Variants in FANCC observed in about 807,000 individuals in gnomAD.
The protein encoded by FANCC is FA complementation group C.
In FANCC, 55 loss-of-function variants were observed where a neutral mutation model predicts 71.3. The observed-to-expected ratio is 0.77, with a 90% CI of 0.62 to 0.97. FANCC has a LOEUF of 0.97. Among genes scored for constraint, FANCC ranks in the 50% least tolerant of loss-of-function variants. FANCC has a pLI of 0.00. For missense variants in FANCC, 678 were observed against 670.9 expected (o/e 1.01, Z -0.12); for synonymous variants, 275 against 244.9 (o/e 1.12, Z -1.15).
At chr9:95,286,891 A>G (rs1443172467) in intron 1 of FANCC, among the ~76,000 whole-genome samples, 1 of 152,168 alleles carries the variant, frequency 6.6e-6, no homozygotes, top group Non-Finnish European at 1.5e-5. Flanking sequence ...TAAACACTAA[A>G]TAATTTGCTC....
intron 10 of FANCC, among the ~76,000 whole-genome samples, chr9:95,122,675 T>TA (rs2072979914): frequency 6.6e-6 from 1 of 152,064 alleles, no homozygotes; most frequent in Non-Finnish European, 1.5e-5. Context: ...ACGGCCAACA[T>TA]AGAGGCTGAG....
chr9:95,185,249 T>C (rs764490257), intron 4 of FANCC, among the ~76,000 whole-genome samples: 5 of 152,238 alleles, frequency 3.3e-5, no homozygotes, highest in Non-Finnish European at 5.9e-5. Flanking sequence ...ACTCTTCATA[T>C]TAGAATAATC....
At chr9:95,216,660 A>T (rs1490114131) in intron 4 of FANCC, among the ~76,000 whole-genome samples, 2 of 152,242 alleles carry the variant, frequency 1.3e-5, no homozygotes, top group Admixed American at 1.3e-4. Flanking sequence ...GTTTGTTTGC[A>T]GCCTATTATA....
At chr9:95,142,881 C>T (rs1392850556) in intron 7 of FANCC, among the ~76,000 whole-genome samples, 2 of 152,170 alleles carry the variant, frequency 1.3e-5, no homozygotes, top group Non-Finnish European at 1.5e-5. Flanking sequence ...TTCCTCCACA[C>T]AAACCAATGC....
At chr9:95,295,428 C>G (rs1410125328) in intron 1 of FANCC, among the ~76,000 whole-genome samples, 1 of 152,038 alleles carries the variant, frequency 6.6e-6, no homozygotes. Flanking sequence ...TTTAAATGGT[C>G]AAAGGGACCT....
At chr9:95,238,723 T>G (rs1485471954) in intron 4 of FANCC, among the ~76,000 whole-genome samples, 1 of 151,934 alleles carries the variant, frequency 6.6e-6, no homozygotes, top group African/African-American at 2.4e-5. Context: ...GTGCCACCAT[T>G]CCTGGCTAAT....
intron 4 of FANCC, 96 bp downstream of exon 4, chr9:95,240,553 G>T: frequency 1.3e-6 from 1 of 794,420 alleles, no homozygotes; most frequent in East Asian, 2.5e-5. Flanking sequence ...AAACATCATA[G>T]AACTGGATTC....
chr9:95,259,671 C>G (rs1430576048), intron 1 of FANCC, among the ~76,000 whole-genome samples: 1 of 152,086 alleles, frequency 6.6e-6, no homozygotes, highest in Admixed American at 6.5e-5. Flanking sequence ...GCAATGGCAA[C>G]AAAAGCTAAA....
intron 4 of FANCC, among the ~76,000 whole-genome samples, chr9:95,202,632 C>T (rs572056151): frequency 6.6e-6 from 1 of 152,248 alleles, no homozygotes; most frequent in South Asian, 2.1e-4. Flanking sequence ...GGCAGTTAGC[C>T]CCTTCCAATT....
intron 1 of FANCC, among the ~76,000 whole-genome samples, chr9:95,281,814 T>G (rs2136270070): frequency 6.6e-6 from 1 of 152,174 alleles, no homozygotes; most frequent in Middle Eastern, 3.4e-3. Context: ...GTATTTTCTT[T>G]TCGATCAAAG....
intron 1 of FANCC, among the ~76,000 whole-genome samples, chr9:95,285,655 C>T (rs1833646360): frequency 6.6e-6 from 1 of 151,678 alleles, no homozygotes; most frequent in Non-Finnish European, 1.5e-5. Flanking sequence ...GCCTGGGCAA[C>T]AGGGCAAGAT....
At chr9:95,290,075 C>T (rs757076487) in intron 1 of FANCC, among the ~76,000 whole-genome samples, 1 of 152,130 alleles carries the variant, frequency 6.6e-6, no homozygotes, top group Non-Finnish European at 1.5e-5. Flanking sequence ...AAACGTTTGG[C>T]AATTGTTGTG....
At chr9:95,229,362 C>A (rs1829843123) in intron 4 of FANCC, among the ~76,000 whole-genome samples, 1 of 150,006 alleles carries the variant, frequency 6.7e-6, no homozygotes, top group Non-Finnish European at 1.5e-5. Flanking sequence ...AAAGATACTG[C>A]AATGTTCCTG....
At chr9:95,285,259 A>G (rs1833622570) in intron 1 of FANCC, among the ~76,000 whole-genome samples, 1 of 152,110 alleles carries the variant, frequency 6.6e-6, no homozygotes, top group Admixed American at 6.6e-5. Flanking sequence ...CTTGGCTGAG[A>G]TAATATTATA....
intron 14 of FANCC, among the ~76,000 whole-genome samples, chr9:95,106,542 T>C (rs2071457072): frequency 6.6e-6 from 1 of 152,236 alleles, no homozygotes; most frequent in African/African-American, 2.4e-5. Flanking sequence ...CATTGCCAAA[T>C]CTAATGTCAC....
At chr9:95,135,963 T>G (rs1827623578) in intron 7 of FANCC, among the ~76,000 whole-genome samples, 1 of 152,190 alleles carries the variant, frequency 6.6e-6, no homozygotes, top group Non-Finnish European at 1.5e-5. Flanking sequence ...AGTTTATTCA[T>G]CTGTAAAATG....
At chr9:95,212,042 CAT>C (rs1828537500) in intron 4 of FANCC, among the ~76,000 whole-genome samples, 1 of 151,734 alleles carries the variant, frequency 6.6e-6, no homozygotes, top group Non-Finnish European at 1.5e-5. Context: ...AACTTAAAGA[CAT>C]AGCAATAAAA....
At chr9:95,201,232 A>G (rs1827787742) in intron 4 of FANCC, among the ~76,000 whole-genome samples, 1 of 152,106 alleles carries the variant, frequency 6.6e-6, no homozygotes. Flanking sequence ...GCACAAATCA[A>G]GAGGGAAAAA....
chr9:95,120,757 G>A (rs1023620288), intron 10 of FANCC, among the ~76,000 whole-genome samples: 13 of 152,078 alleles, frequency 8.5e-5, no homozygotes, highest in African/African-American at 1.2e-4. Flanking sequence ...TCAATCTGAC[G>A]TTTCTGCCTT....
Sources: gnomAD v4.1 joint callset for allele counts (sites outside exome capture counted in the v4.1 genomes callset) on GRCh38, gnomAD v4.1.1 for gene constraint, MANE v1.5 for transcripts, NCBI Gene and HGNC (gene_info 2026-07-23, HGNC 2026-07-21) for gene names.